The following PRAMEF12 variants were observed in gnomAD, a reference collection of about 807,000 sequenced individuals.
The protein encoded by PRAMEF12 is PRAME family member 12.
Under a neutral mutation model 24.6 loss-of-function variants are expected in PRAMEF12, and 24 were observed. The observed-to-expected ratio is 0.98, with a 90% CI of 0.71 to 1.37. The LOEUF (loss-of-function observed/expected upper bound fraction) is 1.37, where lower values mean the gene tolerates loss of function less well. PRAMEF12 is among the 40% of genes most tolerant of loss of function. The probability of loss-of-function intolerance (pLI) is 0.00; values close to 1 mark genes in which losing one functional copy is unlikely to be tolerated. For synonymous variants in PRAMEF12, 286 were observed against 242.6 expected (o/e 1.18, Z -1.66); for missense variants, 646 against 580.3 (o/e 1.11, Z -1.16).
At position 12,774,091 on chromosome 1, in the gene PRAMEF12, C is replaced by T. The variant is rs993568392; in HGVS notation, c.-777C>T. 4.6e-5 allele frequency among the ~76,000 whole-genome samples: 7 copies of T among 151,924 alleles called. No homozygotes were observed. The highest frequency in any genetic ancestry group is 2.1e-4 in the South Asian group (1 of 4,804). ...GTTACAACTGGTTGAATTTTTATTT[C>T]GTGACATTTGAAATAATTGGTTTTT... On this transcript the variant is annotated 5_prime_UTR_variant, in exon 1 of 3. Coordinates refer to ENST00000357726, the MANE Select transcript of PRAMEF12 (RefSeq NM_001080830.5).
At position 12,775,311 on chromosome 1, in the gene PRAMEF12, G is replaced by C. The variant is rs572621864; in HGVS notation, c.287+157G>C. 2.1e-3 allele frequency among the ~76,000 whole-genome samples: 323 copies of C among 152,260 alleles called. 1 individual carries two copies. Among genetic ancestry groups the C allele is most frequent in the Non-Finnish European group, 3.6e-3 (247 of 68,024 alleles). The stretch of plus-strand genomic sequence containing the variant: ...CCTTGGCCATTGTCCAGCTCCTCTG[G>C]GAAAGGACTGCTCACCATGCAGGGT... On this transcript the variant is annotated intron_variant, in intron 1 of 2. Coordinates refer to ENST00000357726, the MANE Select transcript of PRAMEF12 (RefSeq NM_001080830.5).
At position 12,774,830 on chromosome 1, in the gene PRAMEF12, G is replaced by T; in HGVS notation, c.-38G>T. Reference sequence around the variant, plus strand: ...AGGAGATGATGAAGTGATGTGATTTGCCGTAAGAATGATGTTTTTTTCTCT... The same window carrying T: ...AGGAGATGATGAAGTGATGTGATTTTCCGTAAGAATGATGTTTTTTTCTCT... On this transcript the variant is annotated 5_prime_UTR_variant, in exon 1 of 3. Coordinates refer to ENST00000357726, the MANE Select transcript of PRAMEF12 (RefSeq NM_001080830.5). The T allele has an allele frequency of 6.5e-7, 1 of 1,543,240 alleles. No individual in the cohort carries two copies. The highest frequency in any genetic ancestry group is 8.7e-7 in the Non-Finnish European group (1 of 1,145,308).
At chr1:12,776,203 G>C in intron 2 of PRAMEF12, 85 bp downstream of exon 2, 1 of 1,399,594 alleles carries the variant, frequency 7.1e-7, no homozygotes, top group Non-Finnish European at 1.0e-6. Context: ...TCTACTGTGA[G>C]CCAGCTTGTG....
chr1:12,775,789 G>T lies in PRAMEF12; in HGVS notation c.534G>T (p.Val178=). 1 of 1,613,918 alleles carries T rather than the reference G, an allele frequency of 6.2e-7. No individual in the cohort carries two copies. The highest frequency in any genetic ancestry group is 8.5e-7 in the Non-Finnish European group (1 of 1,179,992). Residue 178 remains valine, a synonymous_variant, in exon 2 of 3, where the codon GTG becomes GTT. Transcript: ENST00000357726. The part of the protein sequence containing the change: ...WGKQRKGLLH[V]CCKELQIFGI... The stretch of plus-strand genomic sequence containing the variant: ...AGCAGAGAAAAGGCTTACTGCACGT[G>T]TGTTGCAAGGAGCTGCAGATTTTTG...
intron 2 of PRAMEF12, 30 bp from the exon 3 acceptor site, chr1:12,776,981 C>T (rs761192152): frequency 4.0e-5 from 63 of 1,592,158 alleles, no homozygotes; most frequent in Non-Finnish European, 5.2e-5. Flanking sequence ...CCCCACCACT[C>T]TCCTCTAACT....
At chr1:12,776,392 T>A (rs2100274743) in intron 2 of PRAMEF12, among the ~76,000 whole-genome samples, 1 of 152,244 alleles carries the variant, frequency 6.6e-6, no homozygotes, top group African/African-American at 2.4e-5. Flanking sequence ...TGAGGGTGCA[T>A]TCGTGAATTC....
chr1:12,775,214 G>T, intron 1 of PRAMEF12, 60 bp downstream of exon 1: 1 of 1,535,900 alleles, frequency 6.5e-7, no homozygotes. Flanking sequence ...GGGTTAGCTG[G>T]GTCAGAAGGA....
At position 12,775,910 on chromosome 1, in the gene PRAMEF12, C is replaced by G. The variant is rs771954778; in HGVS notation, c.655C>G (p.Leu219Val). Residue 219 changes from leucine (L) to valine (V), a missense_variant, in exon 2 of 3, where the codon CTT becomes GTT. By Grantham distance (32) the Leu-to-Val change is conservative (BLOSUM62 1). Transcript: ENST00000357726. ...EVCCPWELSI[L>V]IRFAPYLGQM... ...GTGCTGCCCGTGGGAGCTGTCCATT[C>G]TTATAAGGTTCGCCCCTTACCTGGG... 1 of 1,614,122 alleles carries G rather than the reference C, an allele frequency of 6.2e-7. No homozygotes were observed. Among genetic ancestry groups the G allele is most frequent in the African/African-American group, 1.3e-5 (1 of 75,030 alleles).
intron 1 of PRAMEF12, 151 bp downstream of exon 1, chr1:12,775,305 C>T: frequency 9.6e-7 from 1 of 1,038,326 alleles, no homozygotes; most frequent in Non-Finnish European, 1.4e-6. Flanking sequence ...TTGTCCAGCT[C>T]CTCTGGGAAA....
At position 12,775,056 on chromosome 1, in the gene PRAMEF12, C is replaced by T. The variant is rs371502542; in HGVS notation, c.189C>T (p.Cys63=). The T allele has an allele frequency of 6.2e-6, 10 of 1,614,148 alleles. No individual in the cohort carries two copies. Among genetic ancestry groups the T allele is most frequent in the Middle Eastern group, 1.6e-4 (1 of 6,062 alleles). ...TGGTGCAGGCCTGGCCCTTCACCTG[C>T]CTTCCTCTAGGGTCCCTGATGAAGT... ...TTMVQAWPFT[C]LPLGSLMKSC... is the part of the protein sequence containing the mutation. The change falls in exon 1 of 3, where the codon TGC becomes TGT. Residue 63 remains cysteine, a synonymous_variant. Transcript: ENST00000357726.
At position 12,774,961 on chromosome 1, in the gene PRAMEF12, C is replaced by T. The variant is rs372573177; in HGVS notation, c.94C>T (p.Pro32Ser). 4 of 1,613,892 alleles carry T rather than the reference C, an allele frequency of 2.5e-6. No individual in the cohort carries two copies. Among genetic ancestry groups the T allele is most frequent in the East Asian group, 4.5e-5 (2 of 44,866 alleles). The change falls in exon 1 of 3, where the codon CCC (proline) becomes TCC (serine). Residue 32 changes from proline to serine, a missense_variant. By Grantham distance (74) the Pro-to-Ser change is moderately conservative. Transcript: ENST00000357726. ...GGCCATCCCCACCCTGGAGGAGCTGCCCAGGGAGCTCTTTCCCCCACTGTT... is the reference window on the plus strand; with the variant it reads ...GGCCATCCCCACCCTGGAGGAGCTGTCCAGGGAGCTCTTTCCCCCACTGTT... ...ALAIPTLEEL[P>S]RELFPPLFME...
At chr1:12,775,406 G>T (rs1475701954) in intron 1 of PRAMEF12, 137 bp from the exon 2 acceptor site, 13 of 1,019,876 alleles carry the variant, frequency 1.3e-5, no homozygotes, top group Non-Finnish European at 1.6e-5. Context: ...GACCAGGCAG[G>T]TTTCAAGGAG....
chr1:12,777,454 T>C lies in PRAMEF12; in HGVS notation c.1307T>C (p.Leu436Pro). The change falls in exon 3 of 3, where the codon CTG becomes CCG. Residue 436 changes from leucine (L) to proline (P), a missense_variant. Coordinates refer to ENST00000357726, the MANE Select transcript of PRAMEF12 (RefSeq NM_001080830.5). ...WGRFSQLGAE[L>P]MKTLRDLRQP... ...AGATTTTCTCAACTTGGGGCTGAGCTGATGAAGACACTGAGGGACTTAAGG... is the reference window on the plus strand; with the variant it reads ...AGATTTTCTCAACTTGGGGCTGAGCCGATGAAGACACTGAGGGACTTAAGG... The C allele has an allele frequency of 1.2e-6, 2 of 1,614,110 alleles. No homozygotes were observed. Among genetic ancestry groups the C allele is most frequent in the Non-Finnish European group, 1.7e-6 (2 of 1,179,992 alleles).
In PRAMEF12 at chr1:12,774,344, A is replaced by C. The variant is rs929269564; in HGVS notation, c.-524A>C. Among the ~76,000 whole-genome samples, 1 of 152,152 alleles carries C rather than the reference A, an allele frequency of 6.6e-6. No individual in the cohort carries two copies. The highest frequency in any genetic ancestry group is 1.5e-5 in the Non-Finnish European group (1 of 68,020). On this transcript the variant is annotated 5_prime_UTR_variant, in exon 1 of 3. Transcript: ENST00000357726. ...CCTTCATCTGAGAGTTAGTGTTTTTATCCCTAACTTTCACAGGCTCTAGAA... is the reference window on the plus strand; with the variant it reads ...CCTTCATCTGAGAGTTAGTGTTTTTCTCCCTAACTTTCACAGGCTCTAGAA...
intron 2 of PRAMEF12, 63 bp from the exon 3 acceptor site, chr1:12,776,948 G>T: frequency 6.6e-7 from 1 of 1,508,730 alleles, no homozygotes; most frequent in African/African-American, 1.4e-5. Context: ...TGTGAAAAGT[G>T]TCATCTCTCA....
rs776320988 is a variant in PRAMEF12, at chr1:12,775,554, T to G, written c.299T>G (p.Leu100Arg). ...TCTTTTACCCACAGGCGGTGGAAAC[T>G]TCAAGTGTTGGACTTGCGGAATGTG... ...AQKVRPRRWK[L>R]QVLDLRNVDE... is the part of the protein sequence containing the mutation. The change falls in exon 2 of 3, where the codon CTT becomes CGT. Residue 100 changes from leucine to arginine, a missense_variant. Coordinates refer to ENST00000357726, the MANE Select transcript of PRAMEF12 (RefSeq NM_001080830.5). 23 of 1,609,170 alleles carry G rather than the reference T, an allele frequency of 1.4e-5. No homozygotes were observed. In the East Asian group the frequency reaches 5.1e-4, roughly 36 times the overall value.
In PRAMEF12 at chr1:12,775,949, C is replaced by G; in HGVS notation, c.694C>G (p.Leu232Val). The G allele has an allele frequency of 6.2e-7, 1 of 1,614,112 alleles. No homozygotes were observed. The highest frequency in any genetic ancestry group is 8.5e-7 in the Non-Finnish European group (1 of 1,180,032). Residue 232 changes from leucine (L) to valine (V), a missense_variant, in exon 2 of 3, where the codon CTC (leucine) becomes GTC (valine). By Grantham distance (32) the Leu-to-Val change is conservative. Coordinates refer to ENST00000357726, the MANE Select transcript of PRAMEF12 (RefSeq NM_001080830.5). ...CCCTTACCTGGGCCAGATGAGGAAT[C>G]TCCGCAAACTTGTTCTCTTCAACAT... The part of the protein sequence containing the change: ...FAPYLGQMRN[L>V]RKLVLFNIHV...
At position 12,777,585 on chromosome 1, in the gene PRAMEF12, G is replaced by T. The variant is rs77317880; in HGVS notation, c.1438G>T (p.Gly480Cys). ...SHCLLNACCQGGFI is the reference protein window; with the variant it reads ...SHCLLNACCQCGFI The stretch of plus-strand genomic sequence containing the variant: ...CTGTCTGTTGAATGCCTGCTGTCAG[G>T]GTGGATTTATTTAAAGCTTTCTTCT... Residue 480 changes from glycine (G) to cysteine (C), a missense_variant, in exon 3 of 3, where the codon GGT becomes TGT. By Grantham distance (159) the Gly-to-Cys change is radical. Coordinates refer to ENST00000357726, the MANE Select transcript of PRAMEF12 (RefSeq NM_001080830.5). 1.3e-6 allele frequency: 2 copies of T among 1,550,886 alleles called. No homozygotes were observed. The highest frequency in any genetic ancestry group is 4.7e-5 in the East Asian group (2 of 42,310).
At chr1:12,776,225 GC>G in intron 2 of PRAMEF12, 107 bp downstream of exon 2, 1 of 1,163,134 alleles carries the variant, frequency 8.6e-7, no homozygotes, top group African/African-American at 1.5e-5. Context: ...GGAGGTAACA[GC>G]GAAGGGGACA....
Sources: allele counts gnomAD v4.1 joint callset (sites outside exome capture counted in the v4.1 genomes callset), GRCh38; gene constraint gnomAD v4.1.1; transcripts MANE v1.5; gene names NCBI Gene and HGNC (gene_info 2026-07-23, HGNC 2026-07-21).